Variants in DOCK3 observed in about 807,000 individuals in gnomAD.
DOCK3 encodes dedicator of cytokinesis 3.
Under a neutral mutation model 265.6 loss-of-function variants are expected in DOCK3, and 60 were observed. That is an observed-to-expected ratio of 0.23 (90% confidence interval 0.18 to 0.28). The LOEUF (loss-of-function observed/expected upper bound fraction) is 0.28, where lower values mean the gene tolerates loss of function less well. Ranked by LOEUF, DOCK3 falls within the 10% of genes least tolerant of loss-of-function variation. The pLI is 1.00. For missense variants in DOCK3, 1,981 were observed against 2,594.3 expected (o/e 0.76, Z 5.14); for synonymous variants, 881 against 938.0 (o/e 0.94, Z 1.11).
At chr3:51,065,012 A>T (rs1442665598) in intron 6 of DOCK3, among the ~76,000 whole-genome samples, 1 of 152,190 alleles carries the variant, frequency 6.6e-6, no homozygotes, top group Non-Finnish European at 1.5e-5. Flanking sequence ...TAACCTACAA[A>T]TGGAAACTGT....
chr3:51,182,717 A>T (rs1404247414), intron 12 of DOCK3, among the ~76,000 whole-genome samples: 2 of 152,158 alleles, frequency 1.3e-5, no homozygotes, highest in East Asian at 3.9e-4. Flanking sequence ...TTTGATCTTT[A>T]TTGCCCTGGA....
At chr3:51,179,016 A>C (rs928716813) in intron 12 of DOCK3, among the ~76,000 whole-genome samples, 3 of 152,208 alleles carry the variant, frequency 2.0e-5, no homozygotes, top group Non-Finnish European at 4.4e-5. Flanking sequence ...TCTTGCCTTT[A>C]AATAGGATGA....
intron 5 of DOCK3, among the ~76,000 whole-genome samples, chr3:51,036,315 T>A (rs1478870062): frequency 6.6e-6 from 1 of 152,212 alleles, no homozygotes; most frequent in East Asian, 1.9e-4. Context: ...GAAGTACAGT[T>A]GTGATCTGCA....
chr3:50,762,716 G>T (rs1038898410), intron 1 of DOCK3, among the ~76,000 whole-genome samples: 2 of 148,368 alleles, frequency 1.3e-5, no homozygotes, highest in African/African-American at 2.5e-5. Flanking sequence ...ATATTCTGAG[G>T]TTTTTTTTTT....
rs1360501421 is a variant in DOCK3 at position 51,362,557 on chromosome 3, T to C, written c.5176T>C (p.Ser1726Pro). 4 of 1,613,848 alleles carry C rather than the reference T, an allele frequency of 2.5e-6. No individual in the cohort carries two copies. The highest frequency in any genetic ancestry group is 3.4e-6 in the Non-Finnish European group (4 of 1,179,898). The part of the protein sequence containing the change: ...LAYPNPRYQG[S>P]VTNVSVLSSS... ...GTATCCCAACCCCAGGTACCAAGGC[T>C]CAGTCACCAACGTCTCTGTTCTGTC... The change falls in exon 49 of 53, where the codon TCA becomes CCA. Residue 1726 changes from serine (S) to proline (P), a missense_variant. Coordinates refer to ENST00000266037, the MANE Select transcript of DOCK3 (RefSeq NM_004947.5).
chr3:50,926,638 A>C (rs1350658837), intron 4 of DOCK3, among the ~76,000 whole-genome samples: 2 of 152,334 alleles, frequency 1.3e-5, no homozygotes, highest in East Asian at 3.9e-4. Flanking sequence ...ATGGGTGCCC[A>C]CTATAGCAAG....
At chr3:50,931,281 C>G (rs568142521) in intron 4 of DOCK3, among the ~76,000 whole-genome samples, 1 of 152,210 alleles carries the variant, frequency 6.6e-6, no homozygotes, top group Non-Finnish European at 1.5e-5. Context: ...AGGAACTTCA[C>G]TTTCTTCATG....
intron 5 of DOCK3, among the ~76,000 whole-genome samples, chr3:51,044,654 G>C (rs148238173): frequency 2.7e-3 from 414 of 151,064 alleles, no homozygotes; most frequent in Middle Eastern, 6.9e-3. Context: ...TCCAGTAGAA[G>C]GCTGTTTTGA....
chr3:50,859,884 T>C (rs7642158), intron 3 of DOCK3, among the ~76,000 whole-genome samples: 24,314 of 152,164 alleles, frequency 0.16, 2,369 homozygotes, highest in African/African-American at 0.26. Context: ...AGTGTGGGTT[T>C]CTCTCTTTCT....
chr3:51,253,384 G>A (rs1385472049), intron 22 of DOCK3, among the ~76,000 whole-genome samples: 2 of 152,286 alleles, frequency 1.3e-5, no homozygotes, highest in East Asian at 1.9e-4. Context: ...CTCATAAAAC[G>A]AGTTAGGGAG....
chr3:50,927,268 A>G lies in DOCK3; in HGVS notation c.219-6713A>G, dbSNP rs185002144. Among the ~76,000 whole-genome samples the G allele has an allele frequency of 1.8e-3, 267 of 152,254 alleles. 2 individuals are homozygous for G. The highest frequency in any genetic ancestry group is 7.9e-3 in the East Asian group (41 of 5,184). ...CTGACTTAAAACTGGATGCTCCCAC[A>G]GGGCAGTGGGGAGTGGGGGATGAGG... On this transcript the variant is annotated intron_variant, in intron 4 of 52. Transcript: ENST00000266037.
At position 51,181,434 on chromosome 3, in the gene DOCK3, A is replaced by G. The variant is rs189152300; in HGVS notation, c.1037+20732A>G. Among the ~76,000 whole-genome samples the G allele has an allele frequency of 8.4e-3, 1,278 of 152,038 alleles. 20 individuals are homozygous for G. The highest frequency in any genetic ancestry group is 0.029 in the African/African-American group (1,220 of 41,446). The stretch of plus-strand genomic sequence containing the variant: ...TAGTTTGCTGAGAATGATGGTTTCC[A>G]GCTTCATCCATGTCCCTACAAAGGA... On this transcript the variant is annotated intron_variant, in intron 12 of 52. Coordinates refer to ENST00000266037, the MANE Select transcript of DOCK3 (RefSeq NM_004947.5).
chr3:51,285,845 G>A lies in DOCK3; in HGVS notation c.2922+5641G>A, dbSNP rs535335011. Among the ~76,000 whole-genome samples, 8 of 152,212 alleles carry A rather than the reference G, an allele frequency of 5.3e-5. No homozygotes were observed. The East Asian group carries it at 1.4e-3, about 26-fold the overall frequency. ...AGCTACTTGGGAGGCTGAGGCAGGAGAATCGCTTGAACCCAGGAGGCAGAG... is the reference window on the plus strand; with the variant it reads ...AGCTACTTGGGAGGCTGAGGCAGGAAAATCGCTTGAACCCAGGAGGCAGAG... On this transcript the variant is annotated intron_variant, in intron 27 of 52. Transcript: ENST00000266037.
intron 5 of DOCK3, among the ~76,000 whole-genome samples, chr3:51,006,167 T>C (rs2078668366): frequency 6.6e-6 from 1 of 152,008 alleles, no homozygotes; most frequent in African/African-American, 2.4e-5. Context: ...ATGTCTCTGC[T>C]CGTGTTACAG....
intron 27 of DOCK3, among the ~76,000 whole-genome samples, chr3:51,287,263 C>A (rs1028857885): frequency 3.3e-5 from 5 of 152,178 alleles, no homozygotes; most frequent in African/African-American, 1.2e-4. Context: ...AAGATACTAT[C>A]TGAGACCACT....
chr3:50,969,085 T>C (rs1176373403), intron 5 of DOCK3, among the ~76,000 whole-genome samples: 1 of 152,154 alleles, frequency 6.6e-6, no homozygotes, highest in Non-Finnish European at 1.5e-5. Context: ...GGTGGTGAAG[T>C]TCCCCATTGT....
At chr3:50,778,555 G>T (rs1404056276) in intron 1 of DOCK3, 120 bp from the exon 2 acceptor site, 2 of 627,110 alleles carry the variant, frequency 3.2e-6, no homozygotes, top group Non-Finnish European at 5.6e-6. Flanking sequence ...ACTTTAGAAA[G>T]AGGAATTAGT....
chr3:51,006,829 C>A (rs779819468), intron 5 of DOCK3, among the ~76,000 whole-genome samples: 1 of 152,200 alleles, frequency 6.6e-6, no homozygotes, highest in East Asian at 1.9e-4. Flanking sequence ...TGCATCCAGG[C>A]GTGCTCATTG....
chr3:51,071,584 A>G (rs1279650756), intron 6 of DOCK3, among the ~76,000 whole-genome samples: 1 of 152,232 alleles, frequency 6.6e-6, no homozygotes, highest in African/African-American at 2.4e-5. Flanking sequence ...TTACAATGCC[A>G]GGTACTGTGC....
Sources: allele counts gnomAD v4.1 joint callset (sites outside exome capture counted in the v4.1 genomes callset), GRCh38; gene constraint gnomAD v4.1.1; transcripts MANE v1.5; gene names NCBI Gene and HGNC (gene_info 2026-07-23, HGNC 2026-07-21).